Variants in ULK4 observed in about 807,000 individuals in gnomAD.
ULK4 encodes unc-51 like kinase 4, also known as inactive serine/threonine-protein kinase ULK4.
Under a neutral mutation model 160.6 loss-of-function variants are expected in ULK4, and 133 were observed. The observed-to-expected ratio is 0.83, with a 90% CI of 0.72 to 0.96. The LOEUF is 0.96. ULK4 is among the 40% of genes least tolerant of loss of function. ULK4 has a pLI of 0.00. For missense variants in ULK4, 1,580 were observed against 1,499.5 expected (o/e 1.05, Z -0.89); for synonymous variants, 534 against 539.8 (o/e 0.99, Z 0.15).
chr3:41,347,313 A>G (rs1236886268), intron 35 of ULK4, among the ~76,000 whole-genome samples: 2 of 152,184 alleles, frequency 1.3e-5, no homozygotes, highest in Non-Finnish European at 2.9e-5. Context: ...TTTTGGAAAA[A>G]AATCATAAAA....
intron 35 of ULK4, among the ~76,000 whole-genome samples, chr3:41,286,768 A>C (rs151166753): frequency 3.9e-4 from 59 of 152,258 alleles, no homozygotes; most frequent in East Asian, 3.1e-3. Context: ...AGATCTTCCC[A>C]CACTTGTGGC....
chr3:41,661,521 T>TA (rs2035164858), intron 30 of ULK4, among the ~76,000 whole-genome samples: 1 of 150,488 alleles, frequency 6.6e-6, no homozygotes, highest in Non-Finnish European at 1.5e-5. Context: ...GATAGATAGA[T>TA]AGATAGATAA....
chr3:41,715,263 AC>A lies in ULK4; in HGVS notation c.2607del (p.Glu869AspfsTer16). The A allele has an allele frequency of 6.2e-7, 1 of 1,613,446 alleles. No homozygotes were observed. Among genetic ancestry groups the A allele is most frequent in the South Asian group, 1.1e-5 (1 of 91,000 alleles). On this transcript the variant is annotated frameshift_variant, in exon 25 of 37. Coordinates refer to ENST00000301831, the MANE Select transcript of ULK4 (RefSeq NM_017886.4). LOFTEE classifies it high-confidence loss of function. ...QVFRPQVVTEEFLFSYGTILS... is the reference protein window; with the variant it reads ...QVFRPQVVTEXFLFSYGTILS... The stretch of plus-strand genomic sequence containing the variant: ...AGAATAGTTCCATAGCTGAAAAGAA[AC>A]TCTTCTGTCACAACTTGAGGTCGAA...
chr3:41,794,683 A>AAAAAAAAAAAAAAAC (rs1559557491), intron 20 of ULK4, among the ~76,000 whole-genome samples: 2 of 126,802 alleles, frequency 1.6e-5, no homozygotes, highest in Non-Finnish European at 3.3e-5. Context: ...AAAAAAAAAA[A>AAAAAAAAAAAAAAAC]AAACACAGAA....
intron 35 of ULK4, among the ~76,000 whole-genome samples, chr3:41,273,723 A>G (rs1196148797): frequency 6.6e-6 from 1 of 152,082 alleles, no homozygotes; most frequent in East Asian, 1.9e-4. Flanking sequence ...TGTTTGGGTA[A>G]TGAATGGAGT....
chr3:41,504,178 A>C (rs1221314709), intron 32 of ULK4, among the ~76,000 whole-genome samples: 1 of 152,104 alleles, frequency 6.6e-6, no homozygotes, highest in Non-Finnish European at 1.5e-5. Context: ...ATATCAACAT[A>C]AAAAGAGAGG....
At chr3:41,711,657 C>T (rs1311096362) in intron 25 of ULK4, among the ~76,000 whole-genome samples, 1 of 152,118 alleles carries the variant, frequency 6.6e-6, no homozygotes, top group Non-Finnish European at 1.5e-5. Flanking sequence ...TTGTAGAAAA[C>T]TATAACCACC....
At chr3:41,461,591 A>T (rs893765466) in intron 33 of ULK4, among the ~76,000 whole-genome samples, 40 of 152,234 alleles carry the variant, frequency 2.6e-4, no homozygotes, top group African/African-American at 8.9e-4. Context: ...CAAGACTATG[A>T]AAACAATAAA....
At chr3:41,673,288 G>A (rs1247448411) in intron 29 of ULK4, among the ~76,000 whole-genome samples, 1 of 152,068 alleles carries the variant, frequency 6.6e-6, no homozygotes, top group Non-Finnish European at 1.5e-5. Flanking sequence ...AAGCAATACA[G>A]AACCACCCCG....
intron 21 of ULK4, among the ~76,000 whole-genome samples, chr3:41,761,271 T>C (rs944680717): frequency 6.7e-6 from 1 of 149,150 alleles, no homozygotes; most frequent in African/African-American, 2.5e-5. Context: ...ATTTAAAAAT[T>C]AAAAAATAAT....
intron 31 of ULK4, among the ~76,000 whole-genome samples, chr3:41,603,326 G>A (rs1038210749): frequency 2.6e-5 from 4 of 151,678 alleles, no homozygotes; most frequent in Non-Finnish European, 5.9e-5. Context: ...AAGCAACAAA[G>A]GTGTAAAACA....
intron 35 of ULK4, among the ~76,000 whole-genome samples, chr3:41,336,328 A>G (rs1439489711): frequency 6.6e-6 from 1 of 152,256 alleles, no homozygotes; most frequent in Non-Finnish European, 1.5e-5. Flanking sequence ...TTTAAAGCTT[A>G]TAAGGAAACG....
intron 31 of ULK4, among the ~76,000 whole-genome samples, chr3:41,606,851 T>C (rs966332168): frequency 2.6e-5 from 4 of 152,180 alleles, no homozygotes; most frequent in Non-Finnish European, 4.4e-5. Context: ...TCGTACATTC[T>C]GGACATTAGT....
intron 30 of ULK4, among the ~76,000 whole-genome samples, chr3:41,662,039 TA>T: frequency 6.6e-6 from 1 of 152,284 alleles, no homozygotes; most frequent in South Asian, 2.1e-4. Context: ...AATGAAAGGA[TA>T]AAATTAGGAT....
At chr3:41,399,747 G>A (rs565047546) in intron 34 of ULK4, among the ~76,000 whole-genome samples, 95 of 151,942 alleles carry the variant, frequency 6.3e-4, no homozygotes, top group African/African-American at 1.1e-3. Flanking sequence ...CTGGGACCAC[G>A]GGGGTGCACT....
chr3:41,940,749 A>T (rs755873564), intron 2 of ULK4, among the ~76,000 whole-genome samples: 17 of 152,222 alleles, frequency 1.1e-4, no homozygotes, highest in Non-Finnish European at 1.8e-4. Flanking sequence ...TCCTAATGTC[A>T]TCAATTCACC....
At chr3:41,773,444 C>A (rs1325189238) in intron 21 of ULK4, among the ~76,000 whole-genome samples, 2 of 152,036 alleles carry the variant, frequency 1.3e-5, no homozygotes, top group Admixed American at 6.6e-5. Context: ...AACAGAGAGC[C>A]AAATCATGAG....
intron 1 of ULK4, among the ~76,000 whole-genome samples, chr3:41,956,737 C>A (rs1700498228): frequency 6.6e-6 from 1 of 152,198 alleles, no homozygotes; most frequent in Non-Finnish European, 1.5e-5. Flanking sequence ...GGCTCATAGG[C>A]CAAATTGGGT....
intron 22 of ULK4, among the ~76,000 whole-genome samples, chr3:41,731,747 G>A (rs1034215015): frequency 1.3e-5 from 2 of 148,954 alleles, no homozygotes; most frequent in Non-Finnish European, 3.0e-5. Context: ...ACAAAGTTTT[G>A]ATAACCAAAA....
Sources: allele counts gnomAD v4.1 joint callset (sites outside exome capture counted in the v4.1 genomes callset), GRCh38; gene constraint gnomAD v4.1.1; transcripts MANE v1.5; gene names NCBI Gene and HGNC (gene_info 2026-07-23, HGNC 2026-07-21).